Variants in ZDHHC9 observed in about 807,000 individuals in gnomAD.
The protein encoded by ZDHHC9 is palmitoyltransferase ZDHHC9.
A neutral mutation model predicts 26.6 loss-of-function variants in ZDHHC9; 3 were observed. The observed-to-expected ratio is 0.11, with a 90% CI of 0.05 to 0.29. The LOEUF is 0.29. ZDHHC9 is among the 10% of genes least tolerant of loss of function. ZDHHC9 has a pLI of 1.00. For synonymous variants in ZDHHC9, 111 were observed against 109.4 expected (o/e 1.01, Z -0.09); for missense variants, 146 against 296.4 (o/e 0.49, Z 3.73).
chrX:129,841,101 A>G (rs1326200354), intron 3 of ZDHHC9, among the ~76,000 whole-genome samples: 1 of 96,256 alleles, frequency 1.0e-5, no homozygotes, highest in Non-Finnish European at 2.2e-5. Context: ...CACCTCCCCT[A>G]GAGACGAGAC....
intron 2 of ZDHHC9, among the ~76,000 whole-genome samples, chrX:129,842,924 C>T (rs1258387488): frequency 8.9e-6 from 1 of 112,497 alleles, no homozygotes; most frequent in Non-Finnish European, 1.9e-5. Flanking sequence ...AGAAAAGTCA[C>T]AAGGGCGCTT....
intron 10 of ZDHHC9, among the ~76,000 whole-genome samples, chrX:129,807,431 C>T (rs1400050393): frequency 4.5e-5 from 4 of 89,191 alleles, no homozygotes; most frequent in South Asian, 5.5e-4. Context: ...CCGGCCTGGG[C>T]GACAGAGCGA....
intron 3 of ZDHHC9, among the ~76,000 whole-genome samples, chrX:129,836,263 CT>C (rs1219616460): frequency 9.1e-6 from 1 of 109,939 alleles, no homozygotes; most frequent in East Asian, 2.8e-4. Flanking sequence ...CCTCCTCTTT[CT>C]TTTTTCTATT....
chrX:129,828,897 C>T, intron 4 of ZDHHC9, 84 bp downstream of exon 4: 1 of 1,130,844 alleles, frequency 8.8e-7, no homozygotes, highest in Non-Finnish European at 1.2e-6. Flanking sequence ...GATTATTAAT[C>T]TGCAACTACT....
intron 5 of ZDHHC9, among the ~76,000 whole-genome samples, chrX:129,816,168 C>T (rs753427802): frequency 2.7e-5 from 3 of 111,700 alleles, no homozygotes; most frequent in Non-Finnish European, 5.6e-5. Context: ...TACAGTTGGC[C>T]CTCCGTATCA....
At chrX:129,810,345 C>CA (rs201211358) in intron 10 of ZDHHC9, among the ~76,000 whole-genome samples, 6,298 of 100,537 alleles carry the variant, frequency 0.063, 487 homozygotes, top group African/African-American at 0.21. Flanking sequence ...AACTCCATCT[C>CA]AAAAAAAAAA....
intron 2 of ZDHHC9, among the ~76,000 whole-genome samples, chrX:129,842,364 T>C (rs915728450): frequency 6.2e-5 from 7 of 112,453 alleles, no homozygotes; most frequent in African/African-American, 2.3e-4. Flanking sequence ...GAGGATTTTA[T>C]AGGTGATCGT....
chrX:129,836,337 G>A (rs1928260467), intron 3 of ZDHHC9, among the ~76,000 whole-genome samples: 1 of 111,399 alleles, frequency 9.0e-6, no homozygotes, highest in African/African-American at 3.3e-5. Flanking sequence ...AGGCTGGAGT[G>A]CAATGGCACA....
chrX:129,817,047 GTATTTT>G (rs1927772160), intron 5 of ZDHHC9, among the ~76,000 whole-genome samples: 2 of 110,101 alleles, frequency 1.8e-5, no homozygotes, highest in Non-Finnish European at 3.8e-5. Context: ...GCTAATTTTT[GTATTTT>G]TAGCAGAGAC....
chrX:129,810,312 C>G (rs1053764233), intron 10 of ZDHHC9, among the ~76,000 whole-genome samples: 1 of 109,815 alleles, frequency 9.1e-6, no homozygotes, highest in African/African-American at 3.3e-5. Context: ...CACCACTGCA[C>G]TCCAGCCTGG....
Position 129,804,070 on chromosome X carries a change from A to G in ZDHHC9, c.*2300T>C, listed in dbSNP as rs1188060917. On this transcript the variant is annotated 3_prime_UTR_variant, in exon 11 of 11. Coordinates refer to ENST00000357166, the MANE Select transcript of ZDHHC9 (RefSeq NM_016032.4). ...CTAGAGATAAGAGATTTCCACTTTGACCCTTCCCATCAGAAAGAGAAAGCT... is the reference window on the plus strand; with the variant it reads ...CTAGAGATAAGAGATTTCCACTTTGGCCCTTCCCATCAGAAAGAGAAAGCT... 3 of 111,266 alleles carry G rather than the reference A, an allele frequency of 2.7e-5. No homozygotes were observed. The highest frequency in any genetic ancestry group is 9.8e-5 in the African/African-American group (3 of 30,609). The allele number at this position is 111,266 out of a possible 1,213,427, so 9.2% of individuals were successfully genotyped here.
At chrX:129,830,665 G>C (rs1928119899) in intron 3 of ZDHHC9, among the ~76,000 whole-genome samples, 1 of 112,094 alleles carries the variant, frequency 8.9e-6, no homozygotes, top group South Asian at 3.7e-4. Context: ...AAGGAGCAGA[G>C]AGAGAGCAGA....
At chrX:129,807,547 C>T (rs866812658) in intron 10 of ZDHHC9, among the ~76,000 whole-genome samples, 5 of 109,551 alleles carry the variant, frequency 4.6e-5, no homozygotes, top group Admixed American at 9.7e-5. Context: ...GGGCCGAGTA[C>T]GGTGGCTCGT....
chrX:129,820,696 T>A (rs1407146108), intron 5 of ZDHHC9, among the ~76,000 whole-genome samples: 1 of 112,162 alleles, frequency 8.9e-6, no homozygotes, highest in Non-Finnish European at 1.9e-5. Context: ...CAGTGCTTTT[T>A]AAAAAAATTG....
At chrX:129,830,444 C>A (rs1328076627) in intron 3 of ZDHHC9, among the ~76,000 whole-genome samples, 3 of 112,231 alleles carry the variant, frequency 2.7e-5, no homozygotes, top group African/African-American at 9.7e-5. Flanking sequence ...ACATTAACAC[C>A]ATGATTCTGT....
chrX:129,811,063 C>G, intron 9 of ZDHHC9, 62 bp from the exon 10 acceptor site: 1 of 1,011,904 alleles, frequency 9.9e-7, no homozygotes, highest in Non-Finnish European at 1.4e-6. Flanking sequence ...ACCTGGCCTA[C>G]GGAATTTTGC....
rs1336805984 is a variant in ZDHHC9 at position 129,803,514 on chromosome X, T to C, written c.*2856A>G. On this transcript the variant is annotated 3_prime_UTR_variant, in exon 11 of 11. Transcript: ENST00000357166. ...AAAATACTTTTTTTCTCCAACAAAGTAAAGAGATTTGGTCAGTAGGAACGG... is the reference window on the plus strand; with the variant it reads ...AAAATACTTTTTTTCTCCAACAAAGCAAAGAGATTTGGTCAGTAGGAACGG... 8.9e-6 allele frequency: 1 copy of C among 112,295 alleles called. No homozygotes were observed. Among genetic ancestry groups the C allele is most frequent in the Non-Finnish European group, 1.9e-5 (1 of 53,257 alleles). 9.3% of individuals were successfully genotyped at this position (112,295 alleles called of 1,213,427 possible). A position where few individuals can be genotyped will look rare whatever the true frequency, so the allele number is the denominator to read the frequency against.
chrX:129,803,836 T>C lies in ZDHHC9; in HGVS notation c.*2534A>G, dbSNP rs747475945. The stretch of plus-strand genomic sequence containing the variant: ...GGAGGAAGGGGAGAGTTGGAGACAG[T>C]GTCAGCCATTGAAAAGACCAAACAA... On this transcript the variant is annotated 3_prime_UTR_variant, in exon 11 of 11. Transcript: ENST00000357166. 186 of 111,759 alleles carry C rather than the reference T, an allele frequency of 1.7e-3. No homozygotes were observed. The highest frequency in any genetic ancestry group is 2.7e-3 in the Non-Finnish European group (144 of 53,130). The allele number at this position is 111,759 out of a possible 1,213,427, so 9.2% of individuals were successfully genotyped here.
intron 3 of ZDHHC9, among the ~76,000 whole-genome samples, chrX:129,834,600 G>A (rs778865390): frequency 3.6e-5 from 4 of 111,659 alleles, no homozygotes; most frequent in East Asian, 2.8e-4. Flanking sequence ...AGGTAAACCC[G>A]CTCAGTAGTT....
Sources: allele counts gnomAD v4.1 joint callset (sites outside exome capture counted in the v4.1 genomes callset), GRCh38; gene constraint gnomAD v4.1.1; transcripts MANE v1.5; gene names NCBI Gene and HGNC (gene_info 2026-07-23, HGNC 2026-07-21).